LRRK1: variants seen among roughly 807,000 people sequenced by gnomAD.
LRRK1 encodes the protein leucine rich repeat kinase 1.
In LRRK1, 113 loss-of-function variants were observed where a neutral mutation model predicts 209.1. The observed-to-expected ratio is 0.54, with a 90% CI of 0.46 to 0.63. The LOEUF is 0.63. LRRK1 is among the 30% of genes least tolerant of loss of function. LRRK1 has a pLI of 0.00. For synonymous variants in LRRK1, 1,144 were observed against 1,099.7 expected (o/e 1.04, Z -0.80); for missense variants, 2,284 against 2,632.2 (o/e 0.87, Z 2.89).
At chr15:100,938,985 C>T (rs937814949) in intron 2 of LRRK1, among the ~76,000 whole-genome samples, 3 of 152,106 alleles carry the variant, frequency 2.0e-5, no homozygotes, top group Admixed American at 2.0e-4. Context: ...CCCAGCTACT[C>T]GGGAGACTGA....
At chr15:100,967,500 A>T (rs550344992) in intron 2 of LRRK1, among the ~76,000 whole-genome samples, 6 of 151,450 alleles carry the variant, frequency 4.0e-5, no homozygotes, top group African/African-American at 1.2e-4. Context: ...TTTGCTCCGT[A>T]AGCAGCTTGC....
intron 28 of LRRK1, 44 bp downstream of exon 28, chr15:101,057,094 G>A (rs1378872226): frequency 4.0e-5 from 60 of 1,514,020 alleles, no homozygotes; most frequent in Non-Finnish European, 4.9e-5. Context: ...CTCCTGCCAT[G>A]TGAGGAAGCT....
At chr15:101,014,894 T>G (rs1301869245) in intron 11 of LRRK1, among the ~76,000 whole-genome samples, 2 of 152,252 alleles carry the variant, frequency 1.3e-5, no homozygotes, top group Non-Finnish European at 2.9e-5. Flanking sequence ...GTCCTCTCAT[T>G]TTTAATTTTT....
intron 2 of LRRK1, among the ~76,000 whole-genome samples, chr15:100,952,968 C>G (rs1174509793): frequency 6.6e-6 from 1 of 152,140 alleles, no homozygotes; most frequent in Non-Finnish European, 1.5e-5. Context: ...CATTTTTATT[C>G]ACTTACTTTA....
chr15:101,040,445 A>G (rs2034696690), intron 20 of LRRK1, among the ~76,000 whole-genome samples: 1 of 152,030 alleles, frequency 6.6e-6, no homozygotes, highest in Admixed American at 6.5e-5. Flanking sequence ...TGTTTATCAA[A>G]TTTTTGGAAC....
intron 4 of LRRK1, among the ~76,000 whole-genome samples, chr15:100,986,980 C>G (rs1459691740): frequency 6.6e-6 from 1 of 152,208 alleles, no homozygotes; most frequent in Non-Finnish European, 1.5e-5. Flanking sequence ...ATGCCTGCCT[C>G]CAAAGACTGA....
intron 31 of LRRK1, among the ~76,000 whole-genome samples, chr15:101,063,644 T>C (rs2036328626): frequency 6.6e-6 from 1 of 150,710 alleles, no homozygotes; most frequent in South Asian, 2.1e-4. Context: ...GTGACTGTCA[T>C]CATCCAATTC....
rs773258232 is a variant in LRRK1 at position 101,029,242 on chromosome 15, CAACTT to C, written c.2963+14_2963+18del. 1.7e-5 allele frequency: 28 copies of C among 1,601,572 alleles called. No individual in the cohort carries two copies. The highest frequency in any genetic ancestry group is 1.7e-4 in the Middle Eastern group (1 of 6,028). On this transcript the variant is annotated intron_variant, in intron 20 of 33. Coordinates refer to ENST00000388948, the MANE Select transcript of LRRK1 (RefSeq NM_024652.6). ...CCGTCGCCAATGACAGGTGAGGACACAACTTAACACGCCAGGCTGTGCAGGTTGCT... is the reference window on the plus strand; with the variant it reads ...CCGTCGCCAATGACAGGTGAGGACACAACACGCCAGGCTGTGCAGGTTGCT...
At chr15:100,993,189 C>T (rs67441312) in intron 6 of LRRK1, among the ~76,000 whole-genome samples, 30,927 of 152,190 alleles carry the variant, frequency 0.2, 3,555 homozygotes, top group East Asian at 0.5. Context: ...ACGTAGCAAA[C>T]GCCTAATAGA....
intron 20 of LRRK1, among the ~76,000 whole-genome samples, chr15:101,036,880 G>T (rs1202070752): frequency 1.3e-5 from 2 of 152,236 alleles, no homozygotes; most frequent in African/African-American, 4.8e-5. Flanking sequence ...TATAAACAAT[G>T]TCAGTGGCAT....
intron 2 of LRRK1, among the ~76,000 whole-genome samples, chr15:100,959,702 T>A (rs1228155430): frequency 6.6e-6 from 1 of 152,224 alleles, no homozygotes; most frequent in African/African-American, 2.4e-5. Flanking sequence ...TTTTTATTCA[T>A]ATGCATTGTG....
At chr15:101,066,330 A>G in intron 32 of LRRK1, 125 bp downstream of exon 32, 1 of 1,336,312 alleles carries the variant, frequency 7.5e-7, no homozygotes, top group Non-Finnish European at 1.0e-6. Flanking sequence ...TGTTCTTCCA[A>G]GAGGGTTGGT....
At chr15:100,921,475 T>C (rs975723652) in intron 1 of LRRK1, among the ~76,000 whole-genome samples, 1 of 152,250 alleles carries the variant, frequency 6.6e-6, no homozygotes, top group East Asian at 1.9e-4. Flanking sequence ...ACCAGGATTT[T>C]GTTTCAAAAA....
chr15:101,058,755 A>T (rs2035974806), intron 29 of LRRK1, among the ~76,000 whole-genome samples: 1 of 151,940 alleles, frequency 6.6e-6, no homozygotes, highest in Non-Finnish European at 1.5e-5. Flanking sequence ...GCACAATGCA[A>T]AGTACTAAAG....
At chr15:100,995,034 G>A (rs1014181261) in intron 6 of LRRK1, among the ~76,000 whole-genome samples, 1 of 152,204 alleles carries the variant, frequency 6.6e-6, no homozygotes, top group African/African-American at 2.4e-5. Flanking sequence ...AAGGCCTTTG[G>A]CACTGCTGGC....
intron 2 of LRRK1, among the ~76,000 whole-genome samples, chr15:100,972,671 G>A (rs909849800): frequency 6.6e-6 from 1 of 152,086 alleles, no homozygotes; most frequent in African/African-American, 2.4e-5. Flanking sequence ...TATGCCCCGA[G>A]TGCTTTTTCT....
intron 30 of LRRK1, 86 bp from the exon 31 acceptor site, chr15:101,062,488 T>A: frequency 1.1e-6 from 1 of 927,978 alleles, no homozygotes. Context: ...GATCCCCAAG[T>A]CCAAGTGCAT....
rs1596367916 is a variant in LRRK1 at position 101,069,096 on chromosome 15, C to G, written c.*248C>G. The G allele has an allele frequency of 2.6e-6, 1 of 388,288 alleles. No individual in the cohort carries two copies. Among genetic ancestry groups the G allele is most frequent in the African/African-American group, 2.0e-5 (1 of 49,024 alleles). The allele number at this position is 388,288 out of a possible 1,614,324, so 24.1% of individuals were successfully genotyped here. ...GCTGATTTTACAGCCCCAGGGAAGA[C>G]AGTGGTATCAGGCTGGGAGCGGCCT... On this transcript the variant is annotated 3_prime_UTR_variant, in exon 34 of 34. Coordinates refer to ENST00000388948, the MANE Select transcript of LRRK1 (RefSeq NM_024652.6).
intron 6 of LRRK1, among the ~76,000 whole-genome samples, chr15:101,008,575 CCCTCT>C (rs1438016132): frequency 6.6e-6 from 1 of 152,202 alleles, no homozygotes; most frequent in Non-Finnish European, 1.5e-5. Flanking sequence ...CCCACCGGCG[CCCTCT>C]GGAGGTTGGA....
Sources: allele counts gnomAD v4.1 joint callset (sites outside exome capture counted in the v4.1 genomes callset), GRCh38; gene constraint gnomAD v4.1.1; transcripts MANE v1.5; gene names NCBI Gene and HGNC (gene_info 2026-07-23, HGNC 2026-07-21).